ATRX: variants seen among roughly 807,000 people sequenced by gnomAD.
ATRX encodes ATRX chromatin remodeler.
A neutral mutation model predicts 172.6 loss-of-function variants in ATRX; 12 were observed. That is an observed-to-expected ratio of 0.07 (90% confidence interval 0.04 to 0.11). The LOEUF (loss-of-function observed/expected upper bound fraction) is 0.11, where lower values mean the gene tolerates loss of function less well. ATRX is among the 10% of genes least tolerant of loss of function. The probability of loss-of-function intolerance (pLI) is 1.00; values close to 1 mark genes in which losing one functional copy is unlikely to be tolerated. For missense variants in ATRX, 1,368 were observed against 1,767.4 expected, an observed-to-expected ratio of 0.77 and a Z score of 4.05; for synonymous variants, 674 against 594.7, an observed-to-expected ratio of 1.13 and a Z score of -1.94.
At chrX:77,781,814 G>A (rs1338288886) in intron 1 of ATRX, among the ~76,000 whole-genome samples, 3 of 111,400 alleles carry the variant, frequency 2.7e-5, no homozygotes, top group Non-Finnish European at 3.8e-5. Flanking sequence ...GAACATTCAC[G>A]GTCTGGGGGA....
At chrX:77,716,921 G>A (rs2073465229) in intron 2 of ATRX, among the ~76,000 whole-genome samples, 2 of 110,888 alleles carry the variant, frequency 1.8e-5, no homozygotes, top group Admixed American at 1.9e-4. Flanking sequence ...GCTTTCTATA[G>A]TCATACTTAC....
chrX:77,603,284 TA>T (rs1363272218), intron 22 of ATRX, among the ~76,000 whole-genome samples: 1 of 111,759 alleles, frequency 8.9e-6, no homozygotes, highest in African/African-American at 3.2e-5. Context: ...TCTAATTCTA[TA>T]AAAAATGACA....
chrX:77,637,939 C>CAAAAAAAAAAAAAAAAAAA (rs373944111), intron 15 of ATRX, among the ~76,000 whole-genome samples: 7 of 42,839 alleles, frequency 1.6e-4, no homozygotes, highest in African/African-American at 2.0e-4. Flanking sequence ...AGCTCCATCT[C>CAAAAAAAAAAAAAAAAAAA]AAAAAAAAAA....
chrX:77,733,406 C>T (rs5959563), intron 1 of ATRX, among the ~76,000 whole-genome samples: 56,891 of 109,894 alleles, frequency 0.52, 12,894 homozygotes, highest in Non-Finnish European at 0.69. Flanking sequence ...CAAATTATAC[C>T]ACAGAGTTAT....
intron 1 of ATRX, among the ~76,000 whole-genome samples, chrX:77,722,213 A>G (rs782508527): frequency 1.8e-5 from 2 of 111,700 alleles, no homozygotes; most frequent in East Asian, 5.5e-4. Context: ...ACCTAAAACC[A>G]TAAAAACCCT....
At position 77,690,518 on chromosome X, in the gene ATRX, C is replaced by T. The variant is rs1211058351; in HGVS notation, c.485-1591G>A. 2.7e-5 allele frequency among the ~76,000 whole-genome samples: 3 copies of T among 111,407 alleles called. No homozygotes were observed. The Admixed American group carries it at 2.9e-4, about 11-fold the overall frequency. On this transcript the variant is annotated intron_variant, in intron 6 of 34. Coordinates refer to ENST00000373344, the MANE Select transcript of ATRX (RefSeq NM_000489.6). ...TCAATCCATCACCCAGACTGGAGTA[C>T]AATGGCACAATTATAAATCACTGTA...
intron 34 of ATRX, among the ~76,000 whole-genome samples, chrX:77,520,511 CT>C (rs1267473664): frequency 9.0e-6 from 1 of 111,430 alleles, no homozygotes; most frequent in Non-Finnish European, 1.9e-5. Flanking sequence ...GCAAAAATTC[CT>C]ACGTAGATGT....
rs782503869 is a variant in ATRX at position 77,654,041 on chromosome X, T to C, written c.4317+57A>G. The stretch of plus-strand genomic sequence containing the variant: ...ATGGAACAGAGAGGTAACAGCATAA[T>C]TACCATAGTCTACTGTACTGGTTAT... On this transcript the variant is annotated intron_variant, in intron 14 of 34. Coordinates refer to ENST00000373344, the MANE Select transcript of ATRX (RefSeq NM_000489.6). 8 of 989,600 alleles carry C rather than the reference T, an allele frequency of 8.1e-6. No individual in the cohort carries two copies. The Admixed American group carries it at 1.5e-4, about 19-fold the overall frequency. 81.6% of individuals were successfully genotyped at this position (989,600 alleles called of 1,213,427 possible).
chrX:77,676,088 C>T, intron 10 of ATRX, 138 bp downstream of exon 10: 1 of 521,860 alleles, frequency 1.9e-6, no homozygotes, highest in Non-Finnish European at 3.2e-6. Context: ...TTCAAACTTG[C>T]AGGAAGACTG....
At chrX:77,656,919 G>T (rs920778365) in intron 12 of ATRX, among the ~76,000 whole-genome samples, 2 of 111,399 alleles carry the variant, frequency 1.8e-5, no homozygotes, top group Admixed American at 9.6e-5. Context: ...GACAGAATAA[G>T]AATAAATTAC....
intron 30 of ATRX, among the ~76,000 whole-genome samples, chrX:77,543,640 G>A (rs1557051930): frequency 9.0e-6 from 1 of 111,583 alleles, no homozygotes; most frequent in African/African-American, 3.3e-5. Flanking sequence ...AAAAAAGAAC[G>A]AGTTCATGTC....
rs782269589 is a variant in ATRX, at chrX:77,696,652, C to G, written c.295G>C (p.Asp99His). Residue 99 changes from aspartate to histidine, a missense_variant, in exon 5 of 35, where the codon GAT (aspartate) becomes CAT (histidine). By Grantham distance (81) the Asp-to-His change is moderately conservative (BLOSUM62 -1). This residue lies in a region of ATRX where 84 missense variants were observed against 82.8 expected (regional missense o/e 1.01). Transcript: ENST00000373344. ...GCATCTTCATTTACAGTTTCATCAT[C>G]CAAAGGTTTTTCATCATCTGATTCT... Reference protein sequence around the residue: ...YVESDDEKPLDDETVNEDASN... With the variant: ...YVESDDEKPLHDETVNEDASN... 8.3e-7 allele frequency: 1 copy of G among 1,198,899 alleles called. No individual in the cohort carries two copies. The highest frequency in any genetic ancestry group is 1.8e-5 in the South Asian group (1 of 56,339).
Position 77,669,708 on chromosome X carries a change from A to G in ATRX, c.3810-4930T>C, listed in dbSNP as rs782607877. On this transcript the variant is annotated intron_variant, in intron 10 of 34. Coordinates refer to ENST00000373344, the MANE Select transcript of ATRX (RefSeq NM_000489.6). Reference sequence around the variant, plus strand: ...AACTCAAGCTTTAATTTTTTTTTTAATTTTATTTTAGAGACAGTCTTGCTC... The same window carrying G: ...AACTCAAGCTTTAATTTTTTTTTTAGTTTTATTTTAGAGACAGTCTTGCTC... 5.4e-5 allele frequency among the ~76,000 whole-genome samples: 6 copies of G among 110,652 alleles called. No individual in the cohort carries two copies. In the South Asian group the frequency reaches 2.3e-3, roughly 42 times the overall value.
In ATRX at chrX:77,708,205, T is replaced by A. The variant is rs1311168947; in HGVS notation, c.133+8926A>T. 2.7e-5 allele frequency among the ~76,000 whole-genome samples: 3 copies of A among 111,909 alleles called. No homozygotes were observed. The Admixed American group carries it at 2.8e-4, about 11-fold the overall frequency. On this transcript the variant is annotated intron_variant, in intron 2 of 34. Transcript: ENST00000373344. ...AAATGTCCATCAATGGATAAATGGA[T>A]AAACAAATATGGTATACACATATAA...
At chrX:77,643,506 G>A (rs1208501302) in intron 15 of ATRX, among the ~76,000 whole-genome samples, 1 of 110,956 alleles carries the variant, frequency 9.0e-6, no homozygotes, top group African/African-American at 3.3e-5. Context: ...CACCTCAACC[G>A]ATCTAGCCAC....
At chrX:77,510,971 T>C (rs189870391) in intron 34 of ATRX, among the ~76,000 whole-genome samples, 2 of 112,694 alleles carry the variant, frequency 1.8e-5, no homozygotes, top group East Asian at 5.7e-4. Context: ...GTAGTTACTG[T>C]GGATCTTGGG....
intron 15 of ATRX, among the ~76,000 whole-genome samples, chrX:77,638,143 C>T (rs1222667716): frequency 9.0e-6 from 1 of 110,779 alleles, no homozygotes; most frequent in Non-Finnish European, 1.9e-5. Flanking sequence ...ATAATAAATC[C>T]TATTACCCAT....
intron 29 of ATRX, 136 bp downstream of exon 29, chrX:77,558,533 A>G (rs782343644): frequency 7.4e-6 from 4 of 543,525 alleles, no homozygotes; most frequent in South Asian, 7.2e-5. Flanking sequence ...GCCAAAACTG[A>G]CTTCTGCTGC....
At chrX:77,599,671 T>G in intron 24 of ATRX, 61 bp downstream of exon 24, 1 of 1,184,967 alleles carries the variant, frequency 8.4e-7, no homozygotes, top group Non-Finnish European at 1.1e-6. Context: ...AAGAGGTCAA[T>G]CAGCAAGTAG....
Sources: gnomAD v4.1 joint callset for allele counts (sites outside exome capture counted in the v4.1 genomes callset) on GRCh38, gnomAD v4.1.1 for gene constraint, gnomAD v4.1.1 regional missense constraint, MANE v1.5 for transcripts, NCBI Gene and HGNC (gene_info 2026-07-23, HGNC 2026-07-21) for gene names.